Variants in TANGO6 observed in about 807,000 individuals in gnomAD.
The protein encoded by TANGO6 is transport and Golgi organization protein 6 homolog.
In TANGO6, 90 loss-of-function variants were observed where a neutral mutation model predicts 114.2. The observed-to-expected ratio is 0.79, with a 90% CI of 0.66 to 0.94. The LOEUF is 0.94. Ranked by LOEUF, TANGO6 falls within the 40% of genes least tolerant of loss-of-function variation. The pLI is 0.00. For missense variants in TANGO6, 1,274 were observed against 1,315.3 expected, an observed-to-expected ratio of 0.97 and a Z score of 0.49; for synonymous variants, 477 against 509.8, an observed-to-expected ratio of 0.94 and a Z score of 0.87.
chr16:68,966,381 A>G lies in TANGO6; in HGVS notation c.2702-7647A>G, dbSNP rs570527941. On this transcript the variant is annotated intron_variant, in intron 14 of 17. Transcript: ENST00000261778. Reference sequence around the variant, plus strand: ...TAGCCGAGTGTGGTGGTGCGTGCCTATAGTCCCAGCTACTTGGGAGGCTGA... The same window carrying G: ...TAGCCGAGTGTGGTGGTGCGTGCCTGTAGTCCCAGCTACTTGGGAGGCTGA... Among the ~76,000 whole-genome samples the G allele has an allele frequency of 2.4e-4, 37 of 152,056 alleles. No homozygotes were observed. In the South Asian group the frequency reaches 7.1e-3, roughly 29 times the overall value.
chr16:69,029,458 C>A, intron 16 of TANGO6, among the ~76,000 whole-genome samples: 1 of 152,166 alleles, frequency 6.6e-6, no homozygotes, highest in East Asian at 1.9e-4. Context: ...GTATTCCGGA[C>A]ACCTAAGACA....
chr16:68,868,757 A>T (rs1194249937), intron 4 of TANGO6, among the ~76,000 whole-genome samples: 2 of 152,070 alleles, frequency 1.3e-5, no homozygotes, highest in Non-Finnish European at 2.9e-5. Context: ...TCGGCCTCCC[A>T]AAGTGCTGGG....
Position 68,902,571 on chromosome 16 carries a change from C to A in TANGO6, c.1667+67C>A, listed in dbSNP as rs183193853. ...CCGCCCAAAAGGCCATTCAGTGATT[C>A]AACCACTAAGGGGCGCTGATAGAAA... On this transcript the variant is annotated intron_variant, in intron 9 of 17. Coordinates refer to ENST00000261778, the MANE Select transcript of TANGO6 (RefSeq NM_024562.2). The A allele has an allele frequency of 7.8e-6, 11 of 1,403,026 alleles. No homozygotes were observed. The African/African-American group carries it at 1.3e-4, about 17-fold the overall frequency. The allele number at this position is 1,403,026 out of a possible 1,614,324, so 86.9% of individuals were successfully genotyped here. A position where few individuals can be genotyped will look rare whatever the true frequency, so the allele number is the denominator to read the frequency against.
At chr16:68,928,929 G>A (rs1303606561) in intron 13 of TANGO6, among the ~76,000 whole-genome samples, 1 of 151,708 alleles carries the variant, frequency 6.6e-6, no homozygotes, top group Non-Finnish European at 1.5e-5. Context: ...GTTTTGTTTT[G>A]TTTTTTTGAG....
intron 15 of TANGO6, among the ~76,000 whole-genome samples, chr16:68,984,958 GTATA>G (rs1165631354): frequency 2.7e-5 from 4 of 150,794 alleles, no homozygotes; most frequent in African/African-American, 9.7e-5. Context: ...TACACTGTAT[GTATA>G]TATACTGCTT....
At chr16:69,061,674 T>C (rs573023495) in intron 17 of TANGO6, among the ~76,000 whole-genome samples, 177 of 152,292 alleles carry the variant, frequency 1.2e-3, no homozygotes, top group African/African-American at 4.0e-3. Context: ...TAATGCTTGC[T>C]CCCAGCCAAG....
chr16:68,877,490 A>G (rs1962383911), intron 5 of TANGO6, among the ~76,000 whole-genome samples: 1 of 151,658 alleles, frequency 6.6e-6, no homozygotes, highest in Non-Finnish European at 1.5e-5. Flanking sequence ...AAAAGGAAAA[A>G]GAAAAATGTG....
intron 15 of TANGO6, among the ~76,000 whole-genome samples, chr16:69,021,071 C>T (rs1309997679): frequency 6.6e-6 from 1 of 152,118 alleles, no homozygotes; most frequent in Non-Finnish European, 1.5e-5. Context: ...ACAATGTGTT[C>T]TCAGCACTGC....
chr16:68,882,764 A>G (rs1025019362), intron 7 of TANGO6, among the ~76,000 whole-genome samples: 19 of 152,196 alleles, frequency 1.2e-4, no homozygotes, highest in Non-Finnish European at 2.2e-4. Context: ...CATGCCTGTA[A>G]TCCCAACACT....
intron 15 of TANGO6, chr16:69,007,269 C>CTTTTTTTTTTTTT (rs546825543): frequency 8.0e-5 from 9 of 112,770 alleles, no homozygotes; most frequent in East Asian, 2.4e-4. Flanking sequence ...TTTTTCTTTT[C>CTTTTTTTTTTTTT]TTTTTTTTTT....
chr16:68,890,912 C>G (rs958406813), intron 7 of TANGO6, among the ~76,000 whole-genome samples: 9 of 151,852 alleles, frequency 5.9e-5, no homozygotes. Context: ...CTAATCCCAG[C>G]TATTCAGGAG....
At chr16:68,879,900 G>GCCA (rs1298291988) in intron 6 of TANGO6, among the ~76,000 whole-genome samples, 1 of 151,714 alleles carries the variant, frequency 6.6e-6, no homozygotes, top group Non-Finnish European at 1.5e-5. Flanking sequence ...ACAGGCGTGA[G>GCCA]CCACCACACC....
chr16:69,047,334 A>G (rs965940312), intron 17 of TANGO6, among the ~76,000 whole-genome samples: 2 of 152,162 alleles, frequency 1.3e-5, no homozygotes, highest in South Asian at 2.1e-4. Context: ...ATCTCTACTG[A>G]AAATACAAAA....
chr16:68,844,232 A>G (rs1816381271), intron 1 of TANGO6, among the ~76,000 whole-genome samples: 1 of 152,146 alleles, frequency 6.6e-6, no homozygotes, highest in Non-Finnish European at 1.5e-5. Context: ...GTGCGTGGAC[A>G]GTTTCTTCCC....
intron 14 of TANGO6, among the ~76,000 whole-genome samples, chr16:68,962,759 C>A (rs1261679656): frequency 1.3e-5 from 2 of 150,580 alleles, no homozygotes; most frequent in Non-Finnish European, 3.0e-5. Context: ...AAAACTCTGT[C>A]TCAAAAAAAT....
At chr16:68,994,882 G>C (rs970298388) in intron 15 of TANGO6, among the ~76,000 whole-genome samples, 2 of 152,092 alleles carry the variant, frequency 1.3e-5, no homozygotes, top group African/African-American at 4.8e-5. Context: ...ACGGCACCCA[G>C]CTTATTTTGT....
intron 14 of TANGO6, among the ~76,000 whole-genome samples, chr16:68,964,391 A>G (rs1963623855): frequency 1.3e-5 from 2 of 152,022 alleles, no homozygotes; most frequent in Non-Finnish European, 2.9e-5. Context: ...CCCTCCCCAG[A>G]AATAATCAAT....
intron 16 of TANGO6, among the ~76,000 whole-genome samples, chr16:69,023,549 A>G (rs1398624085): frequency 1.3e-5 from 2 of 152,184 alleles, no homozygotes; most frequent in Non-Finnish European, 2.9e-5. Context: ...ATAAAAGATG[A>G]TTTATCATAG....
chr16:69,074,987 T>C (rs551011566), intron 17 of TANGO6, among the ~76,000 whole-genome samples: 23 of 152,008 alleles, frequency 1.5e-4, no homozygotes, highest in Non-Finnish European at 2.4e-4. Flanking sequence ...TATCTGGGAT[T>C]ACAGGCATGC....
Sources: allele counts gnomAD v4.1 joint callset (sites outside exome capture counted in the v4.1 genomes callset), GRCh38; gene constraint gnomAD v4.1.1; transcripts MANE v1.5; gene names NCBI Gene and HGNC (gene_info 2026-07-23, HGNC 2026-07-21).